The following ADAMTS2 variants were observed in gnomAD, a reference collection of about 807,000 sequenced individuals.
The protein encoded by ADAMTS2 is ADAM metallopeptidase with thrombospondin type 1 motif 2, also known as A disintegrin and metalloproteinase with thrombospondin motifs 2.
A neutral mutation model predicts 123.0 loss-of-function variants in ADAMTS2; 50 were observed. The observed-to-expected ratio is 0.41, with a 90% CI of 0.32 to 0.51. The LOEUF (loss-of-function observed/expected upper bound fraction) is 0.51, where lower values mean the gene tolerates loss of function less well. Ranked by LOEUF, ADAMTS2 falls within the 20% of genes least tolerant of loss-of-function variation. The pLI is 0.35. For missense variants in ADAMTS2, 1,494 were observed against 1,705.2 expected (o/e 0.88, Z 2.18); for synonymous variants, 678 against 695.4 (o/e 0.98, Z 0.39).
rs952266316 is a variant in ADAMTS2, at chr5:179,164,417, G to A, written c.976-5538C>T. On this transcript the variant is annotated intron_variant, in intron 5 of 21. Coordinates refer to ENST00000251582, the MANE Select transcript of ADAMTS2 (RefSeq NM_014244.5). ...ACTGAGATGCATGCAGGTGTGGCTG[G>A]TGCCACGTCAGGAGGGTCAGGACCT... Among the ~76,000 whole-genome samples the A allele has an allele frequency of 2.0e-5, 3 of 152,190 alleles. No homozygotes were observed. In the South Asian group the frequency reaches 6.2e-4, roughly 32 times the overall value.
chr5:179,238,592 T>C (rs1174851610), intron 3 of ADAMTS2, among the ~76,000 whole-genome samples: 1 of 151,944 alleles, frequency 6.6e-6, no homozygotes, highest in Non-Finnish European at 1.5e-5. Flanking sequence ...GAGGGTGAGC[T>C]GAGGGTGTCT....
chr5:179,220,899 A>C (rs564590950), intron 3 of ADAMTS2, among the ~76,000 whole-genome samples: 112 of 152,196 alleles, frequency 7.4e-4, no homozygotes, highest in African/African-American at 2.6e-3. Flanking sequence ...CACAAGCGGG[A>C]GGTCTCAGAT....
Position 179,242,569 on chromosome 5 carries a change from A to G in ADAMTS2, c.688+30342T>C, listed in dbSNP as rs1765692928. On this transcript the variant is annotated intron_variant, in intron 3 of 21. Transcript: ENST00000251582. The surrounding 1 kb of genome is among the most constrained non-coding windows in gnomAD (Gnocchi z 4.2). ...TTATCCTAAGAGCACACAACAAACT[A>G]AGCAACATCATCTATTCAAGAAAAT... Among the ~76,000 whole-genome samples the G allele has an allele frequency of 6.6e-6, 1 of 152,188 alleles. No individual in the cohort carries two copies. The highest frequency in any genetic ancestry group is 6.5e-5 in the Admixed American group (1 of 15,284).
In ADAMTS2 at chr5:179,110,910, A is replaced by AAT. The variant is rs1762556530; in HGVS notation, c.*2956_*2957insAT. 1 of 152,184 alleles carries AAT rather than the reference A, an allele frequency of 6.6e-6. No homozygotes were observed. The highest frequency in any genetic ancestry group is 1.5e-5 in the Non-Finnish European group (1 of 68,026). 9.4% of individuals were successfully genotyped at this position (152,184 alleles called of 1,614,324 possible). On this transcript the variant is annotated 3_prime_UTR_variant, in exon 22 of 22. Transcript: ENST00000251582. ...ATAAGTTATAAAAGTAAGGAGTCAA[A>AAT]TTTTACATTACAGAACAAAGATGTA...
In ADAMTS2 at chr5:179,344,169, G is replaced by C. The variant is rs1428310669; in HGVS notation, c.140-8C>G. On this transcript the variant is annotated splice_polypyrimidine_tract_variant and splice_region_variant and intron_variant, in intron 1 of 21. Transcript: ENST00000251582. ...CGTGCCCCAGGGGCCCGCCTGCAAC[G>C]GGAAGGGGCGTTAGATCGGCGGAGA... is the stretch of plus-strand genomic sequence containing the variant. 6.3e-7 allele frequency: 1 copy of C among 1,592,310 alleles called. No homozygotes were observed.
chr5:179,237,744 T>C (rs1287709975), intron 3 of ADAMTS2, among the ~76,000 whole-genome samples: 2 of 152,100 alleles, frequency 1.3e-5, no homozygotes, highest in African/African-American at 4.8e-5. Flanking sequence ...GTCTGCTTTG[T>C]CTGGAAAATG....
Position 179,154,828 on chromosome 5 carries a change from A to G in ADAMTS2, c.1224T>C (p.His408=), listed in dbSNP as rs757751207. ...DGFSSAFVVA[H]ETGHVLGMEH... Reference sequence around the variant, plus strand: ...AGGCCACTTACACGTGGCCAGTCTCATGGGCCACCACAAACGCTGAGGAGA... The same window carrying G: ...AGGCCACTTACACGTGGCCAGTCTCGTGGGCCACCACAAACGCTGAGGAGA... Residue 408 remains histidine, a synonymous_variant, in exon 7 of 22, where the codon CAT becomes CAC. Coordinates refer to ENST00000251582, the MANE Select transcript of ADAMTS2 (RefSeq NM_014244.5). 2.5e-6 allele frequency: 4 copies of G among 1,612,184 alleles called. No homozygotes were observed. In the South Asian group the frequency reaches 4.4e-5, roughly 18 times the overall value.
At chr5:179,156,458 C>T (rs1763474243) in intron 6 of ADAMTS2, among the ~76,000 whole-genome samples, 1 of 149,832 alleles carries the variant, frequency 6.7e-6, no homozygotes, top group Non-Finnish European at 1.5e-5. Flanking sequence ...CTCCTGGGTT[C>T]AGTCCATTCT....
intron 3 of ADAMTS2, among the ~76,000 whole-genome samples, chr5:179,226,547 T>C (rs781128949): frequency 1.3e-5 from 2 of 151,962 alleles, no homozygotes; most frequent in African/African-American, 2.4e-5. Context: ...ACAGTGTTGG[T>C]ATTACGGGTA....
chr5:179,199,941 A>G (rs1315060763), intron 4 of ADAMTS2, among the ~76,000 whole-genome samples: 3 of 152,246 alleles, frequency 2.0e-5, no homozygotes, highest in Non-Finnish European at 4.4e-5. Flanking sequence ...GAACAATATT[A>G]AAAAGCAAAT....
At position 179,202,082 on chromosome 5, in the gene ADAMTS2, G is replaced by A. The variant is rs1032947929; in HGVS notation, c.891+5431C>T. Among the ~76,000 whole-genome samples the A allele has an allele frequency of 2.0e-5, 3 of 152,100 alleles. No individual in the cohort carries two copies. Among genetic ancestry groups the A allele is most frequent in the African/African-American group, 7.2e-5 (3 of 41,416 alleles). On this transcript the variant is annotated intron_variant, in intron 4 of 21. Transcript: ENST00000251582. The surrounding 1 kb of genome is among the most constrained non-coding windows in gnomAD (Gnocchi z 4.0). ...CATAGAAAAGGGAATATCACGTCTT[G>A]TCTTTAACATAGACAGGAAGCAGCC...
At chr5:179,336,907 A>G (rs993781216) in intron 2 of ADAMTS2, among the ~76,000 whole-genome samples, 1 of 152,180 alleles carries the variant, frequency 6.6e-6, no homozygotes, top group African/African-American at 2.4e-5. Flanking sequence ...GATGGCGTAG[A>G]GCCTGCCTGG....
rs74679052 is a variant in ADAMTS2 at position 179,248,086 on chromosome 5, A to G, written c.688+24825T>C. Among the ~76,000 whole-genome samples the G allele has an allele frequency of 5.7e-3, 872 of 152,302 alleles. 11 individuals are homozygous for G. Among genetic ancestry groups the G allele is most frequent in the African/African-American group, 0.02 (834 of 41,582 alleles). On this transcript the variant is annotated intron_variant, in intron 3 of 21. Transcript: ENST00000251582. ...TATGAAATGTAACAATATTATAATA[A>G]AGGGTGGGGAAGACAGAGCTGTATA...
chr5:179,145,951 C>G (rs1763243892), intron 10 of ADAMTS2, among the ~76,000 whole-genome samples: 1 of 152,184 alleles, frequency 6.6e-6, no homozygotes, highest in Non-Finnish European at 1.5e-5. Context: ...TTCCCGGGTT[C>G]AAGTGATTCT....
chr5:179,337,107 G>A (rs1198509361), intron 2 of ADAMTS2, among the ~76,000 whole-genome samples: 1 of 152,138 alleles, frequency 6.6e-6, no homozygotes, highest in Non-Finnish European at 1.5e-5. Flanking sequence ...CAGACCCTGT[G>A]GACAGCTGAT....
At chr5:179,186,180 TG>T (rs1764166076) in intron 4 of ADAMTS2, among the ~76,000 whole-genome samples, 2 of 152,144 alleles carry the variant, frequency 1.3e-5, no homozygotes, top group East Asian at 1.9e-4. Context: ...GCCCTCAACT[TG>T]GCCCCCTCCC....
Position 179,207,377 on chromosome 5 carries a change from A to G in ADAMTS2, c.891+136T>C, listed in dbSNP as rs542991107. On this transcript the variant is annotated intron_variant, in intron 4 of 21. Transcript: ENST00000251582. ...TGGGGACCCAGCAAGCCTCCCTGAG[A>G]CTGTGTCACTCACCTCCGGCTAACA... 14 of 917,870 alleles carry G rather than the reference A, an allele frequency of 1.5e-5. No homozygotes were observed. In the South Asian group the frequency reaches 1.7e-4, roughly 11 times the overall value. 56.9% of individuals were successfully genotyped at this position (917,870 alleles called of 1,614,324 possible).
intron 2 of ADAMTS2, among the ~76,000 whole-genome samples, chr5:179,306,971 T>C (rs115543033): frequency 0.02 from 3,100 of 152,024 alleles, 124 homozygotes; most frequent in African/African-American, 0.072. Context: ...TTCTGCTGGG[T>C]GGGGAATTGG....
intron 4 of ADAMTS2, among the ~76,000 whole-genome samples, chr5:179,193,887 C>G (rs1269652837): frequency 6.6e-6 from 1 of 152,126 alleles, no homozygotes; most frequent in Non-Finnish European, 1.5e-5. Flanking sequence ...CAGGGGCAGC[C>G]TGGGAGGGGC....
Sources: allele counts gnomAD v4.1 joint callset (sites outside exome capture counted in the v4.1 genomes callset), GRCh38; gene constraint gnomAD v4.1.1; non-coding constraint Gnocchi (gnomAD v3.1); transcripts MANE v1.5; gene names NCBI Gene and HGNC (gene_info 2026-07-23, HGNC 2026-07-21).